LRRC4C: variants seen among roughly 807,000 people sequenced by gnomAD.
LRRC4C encodes the protein leucine-rich repeat-containing protein 4C.
LRRC4C carries 5 observed loss-of-function variants against 33.6 expected under a neutral mutation model. The ratio of observed to expected loss-of-function variants is 0.15; its 90% CI spans 0.08 to 0.31. The LOEUF is 0.31. Ranked by LOEUF, LRRC4C falls within the 10% of genes least tolerant of loss-of-function variation. The pLI, the probability that LRRC4C is intolerant of heterozygous loss-of-function variation, is 1.00. For synonymous variants in LRRC4C, 329 were observed against 302.0 expected (o/e 1.09, Z -0.93); for missense variants, 560 against 796.7 (o/e 0.70, Z 3.58).
At chr11:40,286,097 C>T (rs142598959) in intron 4 of LRRC4C, among the ~76,000 whole-genome samples, 47 of 152,218 alleles carry the variant, frequency 3.1e-4, no homozygotes, top group African/African-American at 8.7e-4. Flanking sequence ...AGATACATTC[C>T]GTGATCCCAA....
intron 1 of LRRC4C, among the ~76,000 whole-genome samples, chr11:41,193,337 T>A (rs959116146): frequency 5.3e-5 from 8 of 152,120 alleles, no homozygotes; most frequent in African/African-American, 1.4e-4. Context: ...AGTCTCTAGA[T>A]GAGAGCATTG....
At chr11:41,123,474 G>A (rs1254200300) in intron 1 of LRRC4C, among the ~76,000 whole-genome samples, 5 of 150,060 alleles carry the variant, frequency 3.3e-5, no homozygotes, top group Admixed American at 2.6e-4. Context: ...GGGTTTCACC[G>A]TTTTAGCCGG....
At chr11:41,127,231 A>T (rs1310594035) in intron 1 of LRRC4C, among the ~76,000 whole-genome samples, 2 of 150,332 alleles carry the variant, frequency 1.3e-5, no homozygotes, top group Non-Finnish European at 3.0e-5. Context: ...ATCTGAATAA[A>T]TTTTCTTTGA....
chr11:40,167,000 AC>A (rs1404368756), intron 5 of LRRC4C, among the ~76,000 whole-genome samples: 1 of 152,146 alleles, frequency 6.6e-6, no homozygotes, highest in Non-Finnish European at 1.5e-5. Context: ...CTAGATTATG[AC>A]CAGCATTGAT....
intron 3 of LRRC4C, among the ~76,000 whole-genome samples, chr11:40,445,086 T>C (rs537766136): frequency 5.6e-4 from 86 of 152,306 alleles, no homozygotes; most frequent in Non-Finnish European, 1.0e-3. Flanking sequence ...AGAAACGGTA[T>C]TTGTTGCCAA....
At chr11:41,368,994 C>T (rs1048340950) in intron 1 of LRRC4C, among the ~76,000 whole-genome samples, 3 of 152,092 alleles carry the variant, frequency 2.0e-5, no homozygotes, top group African/African-American at 7.2e-5. Context: ...TTCTCTGTTA[C>T]CACATGTGTT....
At position 40,140,866 on chromosome 11, in the gene LRRC4C, AAAAAAG is replaced by A. The variant is rs1201208233; in HGVS notation, c.-95-19_-95-14del. 3.9e-5 allele frequency: 6 copies of A among 152,366 alleles called. No homozygotes were observed. The highest frequency in any genetic ancestry group is 2.1e-4 in the South Asian group (1 of 4,804). The allele number at this position is 152,366 out of a possible 1,614,324, so 9.4% of individuals were successfully genotyped here. On this transcript the variant is annotated splice_polypyrimidine_tract_variant and intron_variant, in intron 5 of 6. Transcript: ENST00000528697. ...TGCGTTTGCCAATCTAAAAAAAAAA[AAAAAAG>A]AAAAGAAAAGAAAAAAAAGCATCCA...
chr11:40,350,633 C>T (rs1356487359), intron 3 of LRRC4C, among the ~76,000 whole-genome samples: 1 of 151,836 alleles, frequency 6.6e-6, no homozygotes, highest in East Asian at 1.9e-4. Flanking sequence ...ATGAAGAGTG[C>T]CATTGGTATT....
At chr11:41,099,391 A>G (rs1941022338) in intron 1 of LRRC4C, among the ~76,000 whole-genome samples, 1 of 140,752 alleles carries the variant, frequency 7.1e-6, no homozygotes, top group Admixed American at 6.9e-5. Context: ...AAAAAAAAAG[A>G]AAAAAAAAAA....
chr11:41,404,562 A>ACC (rs3979286), intron 1 of LRRC4C, among the ~76,000 whole-genome samples: 1 of 131,354 alleles, frequency 7.6e-6, no homozygotes, highest in Non-Finnish European at 1.5e-5. Context: ...ACACACACAC[A>ACC]CCCCCCGAGG....
chr11:41,257,149 G>T (rs2136692753), intron 1 of LRRC4C, among the ~76,000 whole-genome samples: 1 of 152,052 alleles, frequency 6.6e-6, no homozygotes, highest in African/African-American at 2.4e-5. Flanking sequence ...ATCACACACT[G>T]AGTATCCCAC....
chr11:40,632,834 A>G (rs532970868), intron 3 of LRRC4C, among the ~76,000 whole-genome samples: 1 of 152,330 alleles, frequency 6.6e-6, no homozygotes, highest in African/African-American at 2.4e-5. Context: ...CTGAGCAATG[A>G]AGATACTTTA....
intron 1 of LRRC4C, among the ~76,000 whole-genome samples, chr11:41,142,898 A>C (rs1274771816): frequency 2.0e-5 from 3 of 152,186 alleles, no homozygotes; most frequent in Admixed American, 2.0e-4. Context: ...ATAGTGCAGA[A>C]AAACAGTGTT....
chr11:40,587,440 C>A (rs1958809919), intron 3 of LRRC4C, among the ~76,000 whole-genome samples: 2 of 148,402 alleles, frequency 1.3e-5, no homozygotes, highest in South Asian at 2.2e-4. Context: ...ATTTCACTTC[C>A]TCTTTTCCTA....
chr11:40,665,459 T>A (rs1440477354), intron 2 of LRRC4C, among the ~76,000 whole-genome samples: 2 of 148,510 alleles, frequency 1.3e-5, no homozygotes, highest in African/African-American at 5.0e-5. Flanking sequence ...TTCCATATTC[T>A]ATTTCTATTG....
chr11:40,289,931 T>C (rs538048447), intron 4 of LRRC4C, among the ~76,000 whole-genome samples: 1 of 152,284 alleles, frequency 6.6e-6, no homozygotes, highest in African/African-American at 2.4e-5. Flanking sequence ...GAAAGTTGCA[T>C]GTATACATTA....
intron 3 of LRRC4C, among the ~76,000 whole-genome samples, chr11:40,477,868 C>T (rs1046758510): frequency 1.3e-5 from 2 of 152,128 alleles, no homozygotes; most frequent in Admixed American, 1.3e-4. Flanking sequence ...TCCCATAATT[C>T]CCACGTGTTA....
chr11:40,874,851 A>C (rs1388279476), intron 2 of LRRC4C, among the ~76,000 whole-genome samples: 1 of 152,168 alleles, frequency 6.6e-6, no homozygotes, highest in African/African-American at 2.4e-5. Flanking sequence ...GTCTGGAGGG[A>C]AGACACCGCT....
At chr11:40,265,740 G>A (rs1942203652) in intron 4 of LRRC4C, among the ~76,000 whole-genome samples, 1 of 152,144 alleles carries the variant, frequency 6.6e-6, no homozygotes, top group Admixed American at 6.5e-5. Context: ...ACAAGTATGT[G>A]GTCCGTATTT....
Sources: allele counts gnomAD v4.1 joint callset (sites outside exome capture counted in the v4.1 genomes callset), GRCh38; gene constraint gnomAD v4.1.1; transcripts MANE v1.5; gene names NCBI Gene and HGNC (gene_info 2026-07-23, HGNC 2026-07-21).